The following STAMBP variants were observed in gnomAD, a reference collection of about 807,000 sequenced individuals.
STAMBP encodes the protein STAM binding protein.
STAMBP carries 31 observed loss-of-function variants against 50.7 expected under a neutral mutation model. That is an observed-to-expected ratio of 0.61 (90% CI 0.46 to 0.83). STAMBP has a LOEUF of 0.83. STAMBP is among the 40% of genes least tolerant of loss of function. STAMBP has a pLI of 0.00. For synonymous variants in STAMBP, 211 were observed against 192.4 expected, an observed-to-expected ratio of 1.10 and a Z score of -0.80; for missense variants, 472 against 518.9, an observed-to-expected ratio of 0.91 and a Z score of 0.88.
intron 7 of STAMBP, among the ~76,000 whole-genome samples, chr2:73,851,433 G>C (rs543536794): frequency 6.6e-6 from 1 of 152,300 alleles, no homozygotes; most frequent in Non-Finnish European, 1.5e-5. Flanking sequence ...CGTGCTAAAG[G>C]CCACAAGAGG....
downstream of STAMBP, among the ~76,000 whole-genome samples, chr2:73,871,565 T>A (rs868428852): frequency 5.3e-4 from 74 of 140,004 alleles, no homozygotes; most frequent in Non-Finnish European, 7.3e-4. Flanking sequence ...AAAAAAAAAA[T>A]TCTTTTAATT....
At position 73,832,122 on chromosome 2, in the gene STAMBP, G is replaced by A. The variant is rs1047077181; in HGVS notation, c.203+1063G>A. ...ATATATATATATACACATATATATG[G>A]TGCACAATTCAGAGGCACAAAAGAA... On this transcript the variant is annotated intron_variant, in intron 2 of 9. Coordinates refer to ENST00000394070, the MANE Select transcript of STAMBP (RefSeq NM_213622.4). 1.7e-3 allele frequency among the ~76,000 whole-genome samples: 141 copies of A among 83,904 alleles called. 2 individuals carry two copies. Among genetic ancestry groups the A allele is most frequent in the Admixed American group, 7.6e-4 (6 of 7,938 alleles). The allele number at this position is 83,904 out of a possible 152,430, so 55.0% of individuals were successfully genotyped here. A position where few individuals can be genotyped will look rare whatever the true frequency, so the allele number is the denominator to read the frequency against.
rs1373085033 is a variant in STAMBP, at chr2:73,863,119, A to G, written c.*860A>G. 2 of 152,202 alleles carry G rather than the reference A, an allele frequency of 1.3e-5. No individual in the cohort carries two copies. Among genetic ancestry groups the G allele is most frequent in the Non-Finnish European group, 2.9e-5 (2 of 68,048 alleles). The allele number at this position is 152,202 out of a possible 1,614,324, so 9.4% of individuals were successfully genotyped here. A position where few individuals can be genotyped will look rare whatever the true frequency, so the allele number is the denominator to read the frequency against. ...TGGTGCTGTCTCAAATGGGTCAACC[A>G]TTCACTTCCTCCTTATGCCCTCCAT... On this transcript the variant is annotated 3_prime_UTR_variant, in exon 10 of 10. Coordinates refer to ENST00000394070, the MANE Select transcript of STAMBP (RefSeq NM_213622.4).
At position 73,849,417 on chromosome 2, in the gene STAMBP, A is replaced by G; in HGVS notation, c.797A>G (p.Gln266Arg). The G allele has an allele frequency of 1.2e-6, 2 of 1,612,972 alleles. No individual in the cohort carries two copies. The highest frequency in any genetic ancestry group is 1.7e-6 in the Non-Finnish European group (2 of 1,179,562). ...HVVVPGRLCPQFLQLASANTA... is the reference protein window; with the variant it reads ...HVVVPGRLCPRFLQLASANTA... ...GTGGTGCCTGGGCGGCTGTGCCCACAGTTTCTCCAGTTAGCCAGTGCCAAC... is the reference window on the plus strand; with the variant it reads ...GTGGTGCCTGGGCGGCTGTGCCCACGGTTTCTCCAGTTAGCCAGTGCCAAC... Residue 266 changes from glutamine (Q) to arginine (R), a missense_variant, in exon 6 of 10, where the codon CAG becomes CGG. Physicochemically the swap from Gln to Arg is conservative, Grantham distance 43 (BLOSUM62 1). Transcript: ENST00000394070.
At position 73,856,321 on chromosome 2, in the gene STAMBP, A is replaced by T. The variant is rs562380718; in HGVS notation, c.1006-2933A>T. ...CCTGATTCATGTTTGACCTTTTAACACCTCTGTGGGAGAGAAGAATCATTC... is the reference window on the plus strand; with the variant it reads ...CCTGATTCATGTTTGACCTTTTAACTCCTCTGTGGGAGAGAAGAATCATTC... On this transcript the variant is annotated intron_variant, in intron 7 of 9. Transcript: ENST00000394070. Among the ~76,000 whole-genome samples, 5 of 152,228 alleles carry T rather than the reference A, an allele frequency of 3.3e-5. No homozygotes were observed. In the East Asian group the frequency reaches 9.7e-4, roughly 29 times the overall value.
chr2:73,843,408 ATATATATATATG>A (rs897002638), intron 2 of STAMBP, among the ~76,000 whole-genome samples: 7 of 131,124 alleles, frequency 5.3e-5, no homozygotes, highest in African/African-American at 2.1e-4. Flanking sequence ...TTGTGTATGT[ATATATATATATG>A]TATATATATA....
chr2:73,847,631 T>C lies in STAMBP; in HGVS notation c.620T>C (p.Val207Ala). The C allele has an allele frequency of 6.2e-7, 1 of 1,614,220 alleles. No individual in the cohort carries two copies. Residue 207 changes from valine to alanine, a missense_variant, in exon 5 of 10, where the codon GTG (valine) becomes GCG (alanine). Transcript: ENST00000394070. ...GACTTGGAGAAGCCCTCCTTAGATG[T>C]GTTCCCCACCTTAACAGTCTCATCC... is the stretch of plus-strand genomic sequence containing the variant. ...VPDLEKPSLD[V>A]FPTLTVSSIQ...
chr2:73,832,285 T>C (rs1674053900), intron 2 of STAMBP, among the ~76,000 whole-genome samples: 1 of 151,278 alleles, frequency 6.6e-6, no homozygotes. Flanking sequence ...CAAAACCCCA[T>C]CTCTACTAAA....
At position 73,847,412 on chromosome 2, in the gene STAMBP, G is replaced by T. The variant is rs141275418; in HGVS notation, c.401G>T (p.Arg134Leu). 1.2e-6 allele frequency: 2 copies of T among 1,609,388 alleles called. No homozygotes were observed. The highest frequency in any genetic ancestry group is 1.7e-6 in the Non-Finnish European group (2 of 1,176,984). The change falls in exon 5 of 10, where the codon CGG becomes CTG. Residue 134 changes from arginine to leucine, a missense_variant. By Grantham distance (102) the Arg-to-Leu change is moderately radical. Coordinates refer to ENST00000394070, the MANE Select transcript of STAMBP (RefSeq NM_213622.4). ...EKKKEAEELA[R>L]NMAIQQELEK... ...AAGAAGGAAGCAGAGGAATTGGCCC[G>T]GAACATGGCCATCCAGCAAGAGCTG...
rs1678500221 is a variant in STAMBP, at chr2:73,862,892, G to A, written c.*633G>A. On this transcript the variant is annotated 3_prime_UTR_variant, in exon 10 of 10. Transcript: ENST00000394070. ...AAAGTAACAATTAACTTATGTTTTT[G>A]TGCTTCAGAGTGATCCATTTGATCA... is the stretch of plus-strand genomic sequence containing the variant. 6.6e-6 allele frequency: 1 copy of A among 152,378 alleles called. No homozygotes were observed. Among genetic ancestry groups the A allele is most frequent in the African/African-American group, 2.4e-5 (1 of 41,334 alleles). The allele number at this position is 152,378 out of a possible 1,614,324, so 9.4% of individuals were successfully genotyped here.
chr2:73,835,111 C>T (rs1044613036), intron 2 of STAMBP, among the ~76,000 whole-genome samples: 3 of 152,106 alleles, frequency 2.0e-5, no homozygotes, highest in African/African-American at 4.8e-5. Context: ...CAGTGGCTCA[C>T]GCCTGTGATC....
At chr2:73,835,652 C>T (rs1257046641) in intron 2 of STAMBP, among the ~76,000 whole-genome samples, 1 of 152,124 alleles carries the variant, frequency 6.6e-6, no homozygotes, top group Non-Finnish European at 1.5e-5. Context: ...GTCCATAGGA[C>T]TTACTAATCA....
chr2:73,847,835 T>A, intron 5 of STAMBP, 82 bp downstream of exon 5: 2 of 1,498,992 alleles, frequency 1.3e-6, no homozygotes, highest in African/African-American at 1.4e-5. Context: ...TAAGATTACC[T>A]CCCTGATCCC....
At chr2:73,846,437 C>CA (rs1676066171) in intron 4 of STAMBP, among the ~76,000 whole-genome samples, 2 of 151,500 alleles carry the variant, frequency 1.3e-5, no homozygotes, top group Admixed American at 1.3e-4. Flanking sequence ...CCCATCTCTA[C>CA]AAAAAATACA....
intron 7 of STAMBP, among the ~76,000 whole-genome samples, chr2:73,858,043 C>T (rs997892487): frequency 5.3e-5 from 8 of 151,780 alleles, no homozygotes; most frequent in African/African-American, 1.2e-4. Context: ...AGTGCAGTGG[C>T]GCGATCTCGG....
chr2:73,856,998 G>T (rs1677633093), intron 7 of STAMBP, among the ~76,000 whole-genome samples: 2 of 152,162 alleles, frequency 1.3e-5, no homozygotes, highest in African/African-American at 4.8e-5. Context: ...TTCACACTTG[G>T]AACCTAGATC....
At chr2:73,870,168 A>G (rs547847433), downstream of STAMBP, 9 of 152,342 alleles carry the variant, frequency 5.9e-5, no homozygotes, top group African/African-American at 2.2e-4. Flanking sequence ...TGCCCCTTCA[A>G]TGTGGGAATC....
At chr2:73,857,675 A>G (rs1218760494) in intron 7 of STAMBP, among the ~76,000 whole-genome samples, 1 of 152,136 alleles carries the variant, frequency 6.6e-6, no homozygotes, top group Non-Finnish European at 1.5e-5. Flanking sequence ...GTTACTTTCC[A>G]TTAGAAAAAG....
Position 73,865,082 on chromosome 2 carries a change from G to C in STAMBP, c.*2823G>C, listed in dbSNP as rs562443303. 1 of 152,180 alleles carries C rather than the reference G, an allele frequency of 6.6e-6. No individual in the cohort carries two copies. Among genetic ancestry groups the C allele is most frequent in the Non-Finnish European group, 1.5e-5 (1 of 68,040 alleles). The allele number at this position is 152,180 out of a possible 1,614,324, so 9.4% of individuals were successfully genotyped here. A position where few individuals can be genotyped will look rare whatever the true frequency, so the allele number is the denominator to read the frequency against. ...AGGCAAGGATTTCAGCTTTCATTTG[G>C]TACCACAGAATTTAAAATTGTAAGT... is the stretch of plus-strand genomic sequence containing the variant. On this transcript the variant is annotated 3_prime_UTR_variant, in exon 10 of 10. Transcript: ENST00000394070.
Sources: allele counts gnomAD v4.1 joint callset (sites outside exome capture counted in the v4.1 genomes callset), GRCh38; gene constraint gnomAD v4.1.1; transcripts MANE v1.5; gene names NCBI Gene and HGNC (gene_info 2026-07-23, HGNC 2026-07-21).